The following MED1 variants were observed in gnomAD, a reference collection of about 807,000 sequenced individuals.
MED1 encodes the protein mediator of RNA polymerase II transcription subunit 1.
A neutral mutation model predicts 121.3 loss-of-function variants in MED1; 17 were observed. The ratio of observed to expected loss-of-function variants is 0.14; its 90% confidence interval spans 0.10 to 0.21. The LOEUF (loss-of-function observed/expected upper bound fraction) is 0.21, where lower values mean the gene tolerates loss of function less well. Among genes scored for constraint, MED1 ranks in the 10% least tolerant of loss-of-function variants. The probability of loss-of-function intolerance (pLI) is 1.00; values close to 1 mark genes in which losing one functional copy is unlikely to be tolerated. For missense variants in MED1, 1,558 were observed against 1,919.4 expected, an observed-to-expected ratio of 0.81 and a Z score of 3.52; for synonymous variants, 661 against 694.4, an observed-to-expected ratio of 0.95 and a Z score of 0.76.
Position 39,434,946 on chromosome 17 carries a change from A to G in MED1, c.429-626T>C, listed in dbSNP as rs577353113. On this transcript the variant is annotated intron_variant, in intron 6 of 16. Coordinates refer to ENST00000300651, the MANE Select transcript of MED1 (RefSeq NM_004774.4). ...TTTGGGAGGCCAAGGTGGGTGGATC[A>G]TGAGGTTAGGAGATCGAGACCATCC... is the stretch of plus-strand genomic sequence containing the variant. Among the ~76,000 whole-genome samples, 3 of 152,206 alleles carry G rather than the reference A, an allele frequency of 2.0e-5. No individual in the cohort carries two copies. The East Asian group carries it at 5.8e-4, about 29-fold the overall frequency.
chr17:39,447,716 G>T, intron 2 of MED1, 82 bp downstream of exon 2: 3 of 982,404 alleles, frequency 3.1e-6, no homozygotes, highest in South Asian at 1.5e-5. Flanking sequence ...AAGATAGTAT[G>T]AACACATCTA....
chr17:39,421,202 G>A (rs2048461230), intron 13 of MED1, among the ~76,000 whole-genome samples: 1 of 145,872 alleles, frequency 6.9e-6, no homozygotes, highest in Non-Finnish European at 1.5e-5. Context: ...AGTCAGCCGA[G>A]ATCGTGCCAC....
chr17:39,410,492 T>C lies in MED1; in HGVS notation c.1729A>G (p.Asn577Asp), dbSNP rs1179298679. The change falls in exon 17 of 17, where the codon AAT (asparagine) becomes GAT (aspartate). Residue 577 changes from asparagine to aspartate, a missense_variant. Physicochemically the swap from Asn to Asp is conservative, Grantham distance 23. Transcript: ENST00000300651. ...FPGGPITTLF[N>D]MSMSIKDRHE... Reference sequence around the variant, plus strand: ...CGATCTTTGATGCTCATGCTCATATTAAACAAGGTGGTAATGGGACCCCCC... The same window carrying C: ...CGATCTTTGATGCTCATGCTCATATCAAACAAGGTGGTAATGGGACCCCCC... 6.2e-7 allele frequency: 1 copy of C among 1,614,000 alleles called. No individual in the cohort carries two copies. The highest frequency in any genetic ancestry group is 2.2e-5 in the East Asian group (1 of 44,890).
rs746565606 is a variant in MED1 at position 39,408,162 on chromosome 17, G to A, written c.4059C>T (p.Gly1353=). 1 of 1,613,992 alleles carries A rather than the reference G, an allele frequency of 6.2e-7. No individual in the cohort carries two copies. The highest frequency in any genetic ancestry group is 8.5e-7 in the Non-Finnish European group (1 of 1,180,034). Residue 1353 remains glycine (G), a synonymous_variant, in exon 17 of 17, where the codon GGC becomes GGT. Coordinates refer to ENST00000300651, the MANE Select transcript of MED1 (RefSeq NM_004774.4). The surrounding 1 kb of genome is among the most constrained non-coding windows in gnomAD (Gnocchi z 4.7). ...KHNMSGGEFQ[G]KREKSDKDKS... ...TGTCTTTATCACTTTTCTCACGCTT[G>A]CCCTGAAACTCTCCTCCTGACATGT...
In MED1 at chr17:39,409,412, C is replaced by G. The variant is rs2048334435; in HGVS notation, c.2809G>C (p.Ala937Pro). 3 of 1,614,052 alleles carry G rather than the reference C, an allele frequency of 1.9e-6. No individual in the cohort carries two copies. The African/African-American group carries it at 4.0e-5, about 22-fold the overall frequency. The change falls in exon 17 of 17, where the codon GCC (alanine) becomes CCC (proline). Residue 937 changes from alanine (A) to proline (P), a missense_variant. Ala to Pro is a conservative substitution (Grantham distance 27). Coordinates refer to ENST00000300651, the MANE Select transcript of MED1 (RefSeq NM_004774.4). ...TCTGCAGGAGCTAAAGCTTTGCCGG[C>G]TACTGAAATAATACTGAAATCAACT... The part of the protein sequence containing the change: ...DTVDFSIISV[A>P]GKALAPADLM...
chr17:39,409,613 A>G lies in MED1; in HGVS notation c.2608T>C (p.Leu870=). Residue 870 remains leucine (L), a synonymous_variant, in exon 17 of 17, where the codon TTG becomes CTG. Coordinates refer to ENST00000300651, the MANE Select transcript of MED1 (RefSeq NM_004774.4). ...AAACCACTTTGGCTCTGGCTGTTCAATAAATCAGGATTGAAATCTACTCCA... is the reference window on the plus strand; with the variant it reads ...AAACCACTTTGGCTCTGGCTGTTCAGTAAATCAGGATTGAAATCTACTCCA... ...HDGVDFNPDL[L]NSQSQSGFGE... is the part of the protein sequence containing the mutation. 6.2e-7 allele frequency: 1 copy of G among 1,614,182 alleles called. No individual in the cohort carries two copies. The highest frequency in any genetic ancestry group is 8.5e-7 in the Non-Finnish European group (1 of 1,180,040).
At chr17:39,413,474 C>G (rs1822208702) in intron 16 of MED1, among the ~76,000 whole-genome samples, 3 of 152,132 alleles carry the variant, frequency 2.0e-5, no homozygotes. Flanking sequence ...GTTGGCCAGG[C>G]TGGTCTCGAA....
intron 8 of MED1, among the ~76,000 whole-genome samples, chr17:39,431,424 C>T (rs569269270): frequency 6.6e-6 from 1 of 152,040 alleles, no homozygotes; most frequent in East Asian, 1.9e-4. Flanking sequence ...ATTACAGGCG[C>T]CCGCCACCAC....
rs2048779476 is a variant in MED1 at position 39,451,197 on chromosome 17, C to T, written c.-135G>A. 6 of 978,844 alleles carry T rather than the reference C, an allele frequency of 6.1e-6. No individual in the cohort carries two copies. The highest frequency in any genetic ancestry group is 4.4e-4 in the Middle Eastern group (2 of 4,540). 60.6% of individuals were successfully genotyped at this position (978,844 alleles called of 1,614,324 possible). On this transcript the variant is annotated 5_prime_UTR_variant, in exon 1 of 17. Coordinates refer to ENST00000300651, the MANE Select transcript of MED1 (RefSeq NM_004774.4). ...CCTACTCTTCCCGGGAAGGATCAAT[C>T]TGAAGTCCCCGGCGGCAAGAAGAGA...
intron 2 of MED1, among the ~76,000 whole-genome samples, chr17:39,444,586 T>C (rs1023898621): frequency 1.3e-5 from 2 of 148,760 alleles, no homozygotes; most frequent in Non-Finnish European, 3.0e-5. Context: ...TAGCCTAGTT[T>C]GAGGCCGGTT....
At chr17:39,413,003 A>G (rs2048371028) in intron 16 of MED1, among the ~76,000 whole-genome samples, 1 of 152,222 alleles carries the variant, frequency 6.6e-6, no homozygotes, top group African/African-American at 2.4e-5. Context: ...CCAGCTGTAG[A>G]AAAATCTCAA....
chr17:39,409,267 C>T lies in MED1; in HGVS notation c.2954G>A (p.Gly985Glu). 6.2e-7 allele frequency: 1 copy of T among 1,614,060 alleles called. No homozygotes were observed. The highest frequency in any genetic ancestry group is 8.5e-7 in the Non-Finnish European group (1 of 1,180,002). Residue 985 changes from glycine to glutamate, a missense_variant, in exon 17 of 17, where the codon GGG becomes GAG. Physicochemically the swap from Gly to Glu is moderately conservative, Grantham distance 98 (BLOSUM62 -2). Around this residue, in one of 5 missense-constraint regions of MED1, gnomAD observed 793 missense variants for 898.2 expected, o/e 0.88. Coordinates refer to ENST00000300651, the MANE Select transcript of MED1 (RefSeq NM_004774.4). ...CCCTGGTTTGCTGTCTAATCCGGGC[C>T]CCGAGAGAGTACTATTACTGGTGCC... is the stretch of plus-strand genomic sequence containing the variant. ...GNGTSNSTLS[G>E]PGLDSKPGKR...
intron 16 of MED1, among the ~76,000 whole-genome samples, chr17:39,413,240 A>G (rs890005575): frequency 6.6e-6 from 1 of 151,884 alleles, no homozygotes; most frequent in African/African-American, 2.4e-5. Context: ...ACACCTGGCT[A>G]ATTTTTATAT....
At chr17:39,450,424 G>C (rs1268188254) in intron 1 of MED1, among the ~76,000 whole-genome samples, 1 of 152,210 alleles carries the variant, frequency 6.6e-6, no homozygotes, top group Non-Finnish European at 1.5e-5. Flanking sequence ...AACTGGAGAA[G>C]ATAAACAATA....
intron 2 of MED1, among the ~76,000 whole-genome samples, chr17:39,444,035 A>G (rs2048703603): frequency 1.3e-5 from 2 of 152,324 alleles, no homozygotes; most frequent in South Asian, 4.1e-4. Context: ...GAGAAATATT[A>G]GGAAGAATCA....
chr17:39,439,018 A>G (rs1166841086), intron 6 of MED1, 147 bp downstream of exon 6: 8 of 678,832 alleles, frequency 1.2e-5, no homozygotes, highest in Non-Finnish European at 1.7e-5. Context: ...TCAATTCAGG[A>G]CGTGATTAAG....
intron 14 of MED1, 116 bp from the exon 15 acceptor site, chr17:39,415,455 CCT>C: frequency 1.2e-6 from 1 of 813,428 alleles, no homozygotes; most frequent in Non-Finnish European, 1.9e-6. Flanking sequence ...AGGTGGATTA[CCT>C]GAGGTCAGGA....
In MED1 at chr17:39,410,067, G is replaced by A. The variant is rs2048342110; in HGVS notation, c.2154C>T (p.Asp718=). The change falls in exon 17 of 17, where the codon GAC becomes GAT. Residue 718 remains aspartate, a synonymous_variant. Coordinates refer to ENST00000300651, the MANE Select transcript of MED1 (RefSeq NM_004774.4). The part of the protein sequence containing the change: ...FQRELFSMDV[D]SQNPIFDVNM... Reference sequence around the variant, plus strand: ...TGACATCAAAGATAGGGTTCTGTGAGTCAACATCCATTGAAAATAGCTCCC... The same window carrying A: ...TGACATCAAAGATAGGGTTCTGTGAATCAACATCCATTGAAAATAGCTCCC... 6.2e-7 allele frequency: 1 copy of A among 1,614,036 alleles called. No homozygotes were observed. Among genetic ancestry groups the A allele is most frequent in the Non-Finnish European group, 8.5e-7 (1 of 1,180,056 alleles).
At chr17:39,424,374 T>C (rs1030629996) in intron 11 of MED1, among the ~76,000 whole-genome samples, 1 of 152,112 alleles carries the variant, frequency 6.6e-6, no homozygotes, top group Non-Finnish European at 1.5e-5. Flanking sequence ...GAACGTAAGA[T>C]AAAAGGGGGC....
Sources: gnomAD v4.1 joint callset for allele counts (sites outside exome capture counted in the v4.1 genomes callset) on GRCh38, gnomAD v4.1.1 for gene constraint, gnomAD v4.1.1 regional missense constraint, Gnocchi (gnomAD v3.1) non-coding constraint, MANE v1.5 for transcripts, NCBI Gene and HGNC (gene_info 2026-07-23, HGNC 2026-07-21) for gene names.